The following IFNLR1 variants were observed in gnomAD, a reference collection of about 807,000 sequenced individuals.
The protein encoded by IFNLR1 is interferon lambda receptor 1.
A neutral mutation model predicts 52.5 loss-of-function variants in IFNLR1; 28 were observed. The ratio of observed to expected loss-of-function variants is 0.53; its 90% confidence interval spans 0.40 to 0.73. IFNLR1 has a LOEUF of 0.73. IFNLR1 is among the 30% of genes least tolerant of loss of function. The pLI is 0.00. For missense variants in IFNLR1, 623 were observed against 659.1 expected, an observed-to-expected ratio of 0.95 and a Z score of 0.60; for synonymous variants, 276 against 274.9, an observed-to-expected ratio of 1.00 and a Z score of -0.04.
At chr1:24,187,156 T>G in intron 1 of IFNLR1, 35 bp downstream of exon 1, 1 of 1,335,548 alleles carries the variant, frequency 7.5e-7, no homozygotes, top group Non-Finnish European at 9.8e-7. Flanking sequence ...CGGGGAGCCC[T>G]CTTCCCCCTC....
In IFNLR1 at chr1:24,157,412, T is replaced by G. The variant is rs757848472; in HGVS notation, c.1281A>C (p.Pro427=). 47 of 1,613,976 alleles carry G rather than the reference T, an allele frequency of 2.9e-5. No individual in the cohort carries two copies. The highest frequency in any genetic ancestry group is 3.5e-5 in the Non-Finnish European group (41 of 1,180,020). ...GGDGHQESLP[P]PEFSKDSGFL... ...AACCCGAGTCCTTGGAGAATTCAGGTGGTGGGAGAGATTCTTGGTGCCCAT... is the reference window on the plus strand; with the variant it reads ...AACCCGAGTCCTTGGAGAATTCAGGGGGTGGGAGAGATTCTTGGTGCCCAT... Residue 427 remains proline (P), a synonymous_variant, in exon 7 of 7, where the codon CCA becomes CCC. Coordinates refer to ENST00000327535, the MANE Select transcript of IFNLR1 (RefSeq NM_170743.4). The surrounding 1 kb of genome is among the most constrained non-coding windows in gnomAD (Gnocchi z 5.1).
intron 1 of IFNLR1, 27 bp downstream of exon 1, chr1:24,187,164 C>T (rs1644747228): frequency 2.2e-6 from 3 of 1,358,016 alleles, no homozygotes; most frequent in African/African-American, 1.5e-5. Flanking sequence ...CCTCTTCCCC[C>T]TCCCTCCCGC....
intron 2 of IFNLR1, 51 bp downstream of exon 2, chr1:24,180,680 C>A: frequency 8.5e-7 from 1 of 1,180,758 alleles, no homozygotes. Context: ...CCTCCAGCCC[C>A]CACCCACCCC....
Position 24,169,476 on chromosome 1 carries a change from ACCGTCCGCACGCGTC to A in IFNLR1, c.293_307del (p.Gly98_Thr102del). ...CCAGGGGGACTTGGAGCTGGGAGAA[ACCGTCCGCACGCGTC>A]CCTTGAACTTGTTGTACAGGTCCTG... On this transcript the variant is annotated inframe_deletion, in exon 3 of 7. Coordinates refer to ENST00000327535, the MANE Select transcript of IFNLR1 (RefSeq NM_170743.4). 1 of 1,614,198 alleles carries A rather than the reference ACCGTCCGCACGCGTC, an allele frequency of 6.2e-7. No homozygotes were observed. The highest frequency in any genetic ancestry group is 8.5e-7 in the Non-Finnish European group (1 of 1,180,036).
At chr1:24,162,962 C>CTTTTTTT (rs754939969) in intron 3 of IFNLR1, among the ~76,000 whole-genome samples, 3 of 89,410 alleles carry the variant, frequency 3.4e-5, no homozygotes, top group South Asian at 3.9e-4. Flanking sequence ...TTTCTTTCCT[C>CTTTTTTT]TTTTTTTTTT....
intron 2 of IFNLR1, among the ~76,000 whole-genome samples, chr1:24,178,738 C>A (rs1569690847): frequency 6.6e-6 from 1 of 152,190 alleles, no homozygotes; most frequent in South Asian, 2.1e-4. Context: ...GGAACCAATT[C>A]ATTATCTTGA....
At chr1:24,180,437 T>C (rs1048323073) in intron 2 of IFNLR1, among the ~76,000 whole-genome samples, 1 of 152,016 alleles carries the variant, frequency 6.6e-6, no homozygotes, top group Non-Finnish European at 1.5e-5. Flanking sequence ...CACTTGAGAA[T>C]TTCATCCTCT....
chr1:24,170,096 G>A (rs933348651), intron 2 of IFNLR1, among the ~76,000 whole-genome samples: 2 of 152,158 alleles, frequency 1.3e-5, no homozygotes, highest in African/African-American at 4.8e-5. Context: ...TGCCACGTGA[G>A]GACACAGTGT....
chr1:24,180,667 G>GCCCCAA, intron 2 of IFNLR1, 64 bp downstream of exon 2: 1 of 1,325,308 alleles, frequency 7.5e-7, no homozygotes. Flanking sequence ...TCCCAGAGAA[G>GCCCCAA]CCCCTCCAGC....
Position 24,169,447 on chromosome 1 carries a change from C to G in IFNLR1, c.337G>C (p.Glu113Gln). Reference sequence around the variant, plus strand: ...AAAAGGTAATCCAGGTATTCGGACTCCACCCAGGGGGACTTGGAGCTGGGA... The same window carrying G: ...AAAAGGTAATCCAGGTATTCGGACTGCACCCAGGGGGACTTGGAGCTGGGA... ...VSPSSKSPWV[E>Q]SEYLDYLFEV... Residue 113 changes from glutamate to glutamine, a missense_variant, in exon 3 of 7, where the codon GAG becomes CAG. Coordinates refer to ENST00000327535, the MANE Select transcript of IFNLR1 (RefSeq NM_170743.4). The G allele has an allele frequency of 6.2e-7, 1 of 1,614,194 alleles. No homozygotes were observed. Among genetic ancestry groups the G allele is most frequent in the Non-Finnish European group, 8.5e-7 (1 of 1,180,028 alleles).
chr1:24,168,043 CT>C (rs1203507123), intron 3 of IFNLR1, among the ~76,000 whole-genome samples: 1 of 152,132 alleles, frequency 6.6e-6, no homozygotes, highest in Non-Finnish European at 1.5e-5. Flanking sequence ...TTCAGTTTCT[CT>C]GGAGAACCTT....
intron 1 of IFNLR1, among the ~76,000 whole-genome samples, chr1:24,185,974 G>T (rs1405807075): frequency 3.3e-5 from 5 of 152,202 alleles, no homozygotes; most frequent in African/African-American, 1.2e-4. Flanking sequence ...CAGTTTGTGT[G>T]GGAGCCAGTA....
intron 2 of IFNLR1, among the ~76,000 whole-genome samples, chr1:24,174,141 C>T (rs1644609128): frequency 6.6e-6 from 1 of 152,192 alleles, no homozygotes; most frequent in African/African-American, 2.4e-5. Context: ...AGTGAACACA[C>T]ACAGAGAAAA....
chr1:24,162,855 C>T (rs1309037285), intron 3 of IFNLR1, among the ~76,000 whole-genome samples: 1 of 70,990 alleles, frequency 1.4e-5, no homozygotes, highest in Non-Finnish European at 2.7e-5. Context: ...TTCTTTCTTT[C>T]TTTCTTTCTT....
intron 3 of IFNLR1, among the ~76,000 whole-genome samples, chr1:24,166,603 A>T (rs1225866569): frequency 6.6e-6 from 1 of 152,020 alleles, no homozygotes; most frequent in African/African-American, 2.4e-5. Flanking sequence ...CTGGAATTCA[A>T]TGGAACAATC....
chr1:24,173,127 CAA>C (rs60148493), intron 2 of IFNLR1, among the ~76,000 whole-genome samples: 21 of 106,904 alleles, frequency 2.0e-4, no homozygotes, highest in African/African-American at 4.3e-4. Context: ...TTTTCTCTTC[CAA>C]AAAAAAAAAA....
chr1:24,173,525 C>G (rs745638228), intron 2 of IFNLR1, among the ~76,000 whole-genome samples: 15 of 152,124 alleles, frequency 9.9e-5, no homozygotes, highest in Non-Finnish European at 1.6e-4. Context: ...GGAAACAGCT[C>G]GACAGTTCCC....
Position 24,161,596 on chromosome 1 carries a change from G to C in IFNLR1, c.456C>G (p.Pro152=). ...CCACCTCATACTTCAGATCCAGTGG[G>C]GGCATGCAGGGGGGCAGCTGGTACG... ...NATYQLPPCM[P]PLDLKYEVAF... is the part of the protein sequence containing the mutation. Residue 152 remains proline, a synonymous_variant, in exon 4 of 7, where the codon CCC becomes CCG. Transcript: ENST00000327535. 6.4e-7 allele frequency: 1 copy of C among 1,554,796 alleles called. No individual in the cohort carries two copies. Among genetic ancestry groups the C allele is most frequent in the Non-Finnish European group, 8.7e-7 (1 of 1,148,018 alleles).
intron 2 of IFNLR1, among the ~76,000 whole-genome samples, chr1:24,176,415 G>A (rs573933988): frequency 6.6e-6 from 1 of 152,234 alleles, no homozygotes; most frequent in Admixed American, 6.5e-5. Flanking sequence ...TGGTGGGTAC[G>A]TGGGTGCCCA....
Sources: gnomAD v4.1 joint callset for allele counts (sites outside exome capture counted in the v4.1 genomes callset) on GRCh38, gnomAD v4.1.1 for gene constraint, Gnocchi (gnomAD v3.1) non-coding constraint, MANE v1.5 for transcripts, NCBI Gene and HGNC (gene_info 2026-07-23, HGNC 2026-07-21) for gene names.